Variants in ZNF486 observed in about 807,000 individuals in gnomAD.
ZNF486 encodes KRAB box only protein 2.
ZNF486 carries 12 observed loss-of-function variants against 12.8 expected under a neutral mutation model. The observed-to-expected ratio is 0.94, with a 90% confidence interval of 0.60 to 1.52. The LOEUF (loss-of-function observed/expected upper bound fraction) is 1.52. ZNF486 is among the 40% of genes most tolerant of loss of function. The pLI, the probability that ZNF486 is intolerant of heterozygous loss-of-function variation, is 0.00. For synonymous variants in ZNF486, 231 were observed against 184.9 expected (o/e 1.25, Z -2.02); for missense variants, 738 against 545.0 (o/e 1.35, Z -3.53).
chr19:20,197,110 T>G lies in ZNF486; in HGVS notation c.400T>G (p.Leu134Val), dbSNP rs781934945. ...CTGTGAAAGTGTGGATGAGTGTAAGTTACACAAAAGAGGTTATAATGGACT... is the reference window on the plus strand; with the variant it reads ...CTGTGAAAGTGTGGATGAGTGTAAGGTACACAAAAGAGGTTATAATGGACT... ...KGCESVDECK[L>V]HKRGYNGLNQ... is the part of the protein sequence containing the mutation. The change falls in exon 4 of 4, where the codon TTA (leucine) becomes GTA (valine). Residue 134 changes from leucine to valine, a missense_variant. By Grantham distance (32) the Leu-to-Val change is conservative. Coordinates refer to ENST00000335117, the MANE Select transcript of ZNF486 (RefSeq NM_052852.4). The G allele has an allele frequency of 3.1e-6, 5 of 1,613,670 alleles. No homozygotes were observed. Among genetic ancestry groups the G allele is most frequent in the South Asian group, 1.1e-5 (1 of 90,868 alleles).
At chr19:20,168,665 AAAAGT>A (rs1488178594) in intron 1 of ZNF486, among the ~76,000 whole-genome samples, 3 of 152,074 alleles carry the variant, frequency 2.0e-5, no homozygotes, top group African/African-American at 7.2e-5. Flanking sequence ...AAAAAAAAAA[AAAAGT>A]AAGAATCTTA....
intron 3 of ZNF486, among the ~76,000 whole-genome samples, chr19:20,189,551 T>C (rs1201304905): frequency 1.3e-5 from 2 of 152,186 alleles, no homozygotes; most frequent in South Asian, 4.1e-4. Flanking sequence ...TGAGGTGATT[T>C]TGTTTGTCAT....
Position 20,167,283 on chromosome 19 carries a change from C to G in ZNF486, c.-48C>G, listed in dbSNP as rs782815027. The G allele has an allele frequency of 1.2e-6, 2 of 1,613,008 alleles. No individual in the cohort carries two copies. Among genetic ancestry groups the G allele is most frequent in the African/African-American group, 1.3e-5 (1 of 75,022 alleles). On this transcript the variant is annotated 5_prime_UTR_variant, in exon 1 of 4. Transcript: ENST00000335117. ...TGTGTCCTCTGCTCCTAGAGGCCCACCCTCTGTGGCCCTGTGTCCTGTAGG... is the reference window on the plus strand; with the variant it reads ...TGTGTCCTCTGCTCCTAGAGGCCCAGCCTCTGTGGCCCTGTGTCCTGTAGG...
rs532104634 is a variant in ZNF486, at chr19:20,185,862, T to C, written c.158-125T>C. On this transcript the variant is annotated intron_variant, in intron 2 of 3. Coordinates refer to ENST00000335117, the MANE Select transcript of ZNF486 (RefSeq NM_052852.4). ...ATTTTCTAAATATTTAGAAATTTGT[T>C]ATGAATTAGTATTTTGGTATTAATT... The C allele has an allele frequency of 3.6e-5, 18 of 503,854 alleles. No homozygotes were observed. In the African/African-American group the frequency reaches 3.6e-4, roughly 10 times the overall value. 31.2% of individuals were successfully genotyped at this position (503,854 alleles called of 1,614,324 possible). A position where few individuals can be genotyped will look rare whatever the true frequency, so the allele number is the denominator to read the frequency against.
intron 3 of ZNF486, among the ~76,000 whole-genome samples, chr19:20,194,542 C>T (rs2089938851): frequency 6.6e-6 from 1 of 152,164 alleles, no homozygotes; most frequent in Non-Finnish European, 1.5e-5. Context: ...GCCAGGCTAA[C>T]ATGGTGAAAC....
chr19:20,181,268 G>C (rs563552490), intron 1 of ZNF486, among the ~76,000 whole-genome samples: 8 of 151,794 alleles, frequency 5.3e-5, no homozygotes, highest in South Asian at 2.1e-4. Context: ...GTCCGGGCGC[G>C]GTGGCTCACG....
intron 3 of ZNF486, among the ~76,000 whole-genome samples, chr19:20,192,031 A>G (rs1369170169): frequency 3.3e-5 from 5 of 152,170 alleles, no homozygotes; most frequent in Non-Finnish European, 4.4e-5. Context: ...GATAAATAAT[A>G]TAGTTACCGA....
chr19:20,197,265 A>G lies in ZNF486; in HGVS notation c.555A>G (p.Ile185Met), dbSNP rs1555718166. The change falls in exon 4 of 4, where the codon ATA becomes ATG. Residue 185 changes from isoleucine to methionine, a missense_variant. Physicochemically the swap from Ile to Met is conservative, Grantham distance 10. Transcript: ENST00000335117. ...CTGAAAAAAAACCTTTGAAATATAT[A>G]GAAGGTGACAAAGCTTTTAACCAGT... ...RHTEKKPLKY[I>M]EGDKAFNQSS... The G allele has an allele frequency of 6.2e-7, 1 of 1,611,144 alleles. No homozygotes were observed. Among genetic ancestry groups the G allele is most frequent in the East Asian group, 2.2e-5 (1 of 44,862 alleles).
chr19:20,174,161 CTA>C (rs1199188332), intron 1 of ZNF486, among the ~76,000 whole-genome samples: 17 of 152,190 alleles, frequency 1.1e-4, no homozygotes, highest in Admixed American at 2.6e-4. Context: ...TTAAAAGATA[CTA>C]TGTTTCTTTG....
At chr19:20,189,721 C>T (rs1198894386) in intron 3 of ZNF486, among the ~76,000 whole-genome samples, 1 of 152,118 alleles carries the variant, frequency 6.6e-6, no homozygotes, top group Non-Finnish European at 1.5e-5. Context: ...TTATTTTGAA[C>T]ATTAACTTCC....
Position 20,197,135 on chromosome 19 carries a change from T to C in ZNF486, c.425T>C (p.Leu142Pro), listed in dbSNP as rs782594190. 4.0e-5 allele frequency: 64 copies of C among 1,613,834 alleles called. No homozygotes were observed. Among genetic ancestry groups the C allele is most frequent in the Non-Finnish European group, 5.3e-5 (62 of 1,179,980 alleles). Reference protein sequence around the residue: ...CKLHKRGYNGLNQCLTTTQSK... With the variant: ...CKLHKRGYNGPNQCLTTTQSK... Reference sequence around the variant, plus strand: ...TTACACAAAAGAGGTTATAATGGACTTAACCAATGTTTGACAACTACCCAG... The same window carrying C: ...TTACACAAAAGAGGTTATAATGGACCTAACCAATGTTTGACAACTACCCAG... Residue 142 changes from leucine to proline, a missense_variant, in exon 4 of 4, where the codon CTT (leucine) becomes CCT (proline). Coordinates refer to ENST00000335117, the MANE Select transcript of ZNF486 (RefSeq NM_052852.4).
At chr19:20,184,555 T>C (rs2089821710) in intron 2 of ZNF486, 73 bp downstream of exon 2, 2 of 1,486,764 alleles carry the variant, frequency 1.3e-6, no homozygotes, top group African/African-American at 1.4e-5. Flanking sequence ...AGAATGATTT[T>C]AGTAATTTAT....
Position 20,198,076 on chromosome 19 carries a change from C to T in ZNF486, c.1366C>T (p.His456Tyr). Residue 456 changes from histidine (H) to tyrosine (Y), a missense_variant, in exon 4 of 4, where the codon CAT becomes TAT. Physicochemically the swap from His to Tyr is moderately conservative, Grantham distance 83. Transcript: ENST00000335117. The part of the protein sequence containing the change: ...SSDLNKHKRI[H>Y]IGQKPRT ...AGACCTTAATAAACATAAGAGAATTCATATTGGACAGAAACCAAGAACGTG... is the reference window on the plus strand; with the variant it reads ...AGACCTTAATAAACATAAGAGAATTTATATTGGACAGAAACCAAGAACGTG... The T allele has an allele frequency of 6.2e-7, 1 of 1,600,288 alleles. No individual in the cohort carries two copies. Among genetic ancestry groups the T allele is most frequent in the Non-Finnish European group, 8.5e-7 (1 of 1,173,270 alleles).
chr19:20,184,488 G>A lies in ZNF486; in HGVS notation c.157+6G>A. 1.9e-6 allele frequency: 3 copies of A among 1,591,600 alleles called. No homozygotes were observed. The highest frequency in any genetic ancestry group is 2.6e-6 in the Non-Finnish European group (3 of 1,173,056). Reference sequence around the variant, plus strand: ...CAGACACCTGGTCTTCCTTGGTGAGGATAACTTAAATACATAATTCATAAA... The same window carrying A: ...CAGACACCTGGTCTTCCTTGGTGAGAATAACTTAAATACATAATTCATAAA... On this transcript the variant is annotated splice_donor_region_variant and intron_variant, in intron 2 of 3. Coordinates refer to ENST00000335117, the MANE Select transcript of ZNF486 (RefSeq NM_052852.4).
At chr19:20,180,665 T>A (rs1182513835) in intron 1 of ZNF486, among the ~76,000 whole-genome samples, 1 of 152,170 alleles carries the variant, frequency 6.6e-6, no homozygotes, top group Non-Finnish European at 1.5e-5. Context: ...TTTCTGCCAC[T>A]TGGGTTCAAG....
chr19:20,181,940 A>C (rs2089791974), intron 1 of ZNF486, among the ~76,000 whole-genome samples: 1 of 152,210 alleles, frequency 6.6e-6, no homozygotes, highest in South Asian at 2.1e-4. Flanking sequence ...GCTCTGTATC[A>C]TTCTCTTGAG....
chr19:20,182,367 C>A (rs1555715712), intron 1 of ZNF486, among the ~76,000 whole-genome samples: 1 of 152,208 alleles, frequency 6.6e-6, no homozygotes, highest in Non-Finnish European at 1.5e-5. Flanking sequence ...TGATTACCAG[C>A]CCAGGCTTTT....
At chr19:20,177,763 AG>A (rs1331488637) in intron 1 of ZNF486, among the ~76,000 whole-genome samples, 1 of 152,002 alleles carries the variant, frequency 6.6e-6, no homozygotes, top group South Asian at 2.1e-4. Context: ...TTTAGTAGAG[AG>A]GGGGTTTGTC....
At chr19:20,175,682 A>C (rs369304864) in intron 1 of ZNF486, among the ~76,000 whole-genome samples, 1 of 152,210 alleles carries the variant, frequency 6.6e-6, no homozygotes, top group Non-Finnish European at 1.5e-5. Context: ...CCAAGGCAGA[A>C]GAATTTTTCT....
Sources: gnomAD v4.1 joint callset for allele counts (sites outside exome capture counted in the v4.1 genomes callset) on GRCh38, gnomAD v4.1.1 for gene constraint, MANE v1.5 for transcripts, NCBI Gene and HGNC (gene_info 2026-07-23, HGNC 2026-07-21) for gene names.